The following FOXN3 variants were observed in gnomAD, a reference collection of about 807,000 sequenced individuals.
FOXN3 encodes the protein forkhead box protein N3.
FOXN3 carries 7 observed loss-of-function variants against 38.4 expected under a neutral mutation model. The ratio of observed to expected loss-of-function variants is 0.18; its 90% CI spans 0.10 to 0.34. The LOEUF is 0.34. Among genes scored for constraint, FOXN3 ranks in the 10% least tolerant of loss-of-function variants. The pLI is 1.00. For synonymous variants in FOXN3, 230 were observed against 242.2 expected, an observed-to-expected ratio of 0.95 and a Z score of 0.47; for missense variants, 456 against 613.4, an observed-to-expected ratio of 0.74 and a Z score of 2.71.
intron 1 of FOXN3, among the ~76,000 whole-genome samples, chr14:89,453,664 T>C (rs1892665467): frequency 1.3e-5 from 2 of 151,810 alleles, no homozygotes; most frequent in African/African-American, 2.4e-5. Flanking sequence ...ACAAAAATAC[T>C]TGACCACAAA....
chr14:89,513,165 A>G lies in FOXN3; in HGVS notation c.-14-100675T>C, dbSNP rs564844629. 4.6e-5 allele frequency among the ~76,000 whole-genome samples: 7 copies of G among 150,828 alleles called. No individual in the cohort carries two copies. In the East Asian group the frequency reaches 9.7e-4, roughly 21 times the overall value. On this transcript the variant is annotated intron_variant, in intron 1 of 6. Transcript: ENST00000345097. Reference sequence around the variant, plus strand: ...TCCATCTCAGGAAAAAAAAAAAAAAAAAAAGAAAAAGAAAGAAAGAAACTA... The same window carrying G: ...TCCATCTCAGGAAAAAAAAAAAAAAGAAAAGAAAAAGAAAGAAAGAAACTA...
Position 89,176,179 on chromosome 14 carries a change from C to T in FOXN3, c.851+4522G>A, listed in dbSNP as rs533038242. On this transcript the variant is annotated intron_variant, in intron 5 of 5. Coordinates refer to ENST00000557258, the MANE Select transcript of FOXN3 (RefSeq NM_005197.4). Reference sequence around the variant, plus strand: ...AGGTTATTGAGTAAAAAGTCAACACCGTAAAGTCAATTACACTATTGACAG... The same window carrying T: ...AGGTTATTGAGTAAAAAGTCAACACTGTAAAGTCAATTACACTATTGACAG... Among the ~76,000 whole-genome samples the T allele has an allele frequency of 8.5e-5, 13 of 152,274 alleles. No individual in the cohort carries two copies. In the South Asian group the frequency reaches 2.3e-3, roughly 27 times the overall value.
intron 1 of FOXN3, among the ~76,000 whole-genome samples, chr14:89,491,903 CG>C (rs1893584146): frequency 6.6e-6 from 1 of 152,138 alleles, no homozygotes; most frequent in Non-Finnish European, 1.5e-5. Flanking sequence ...TTCAGCCTAG[CG>C]CTTTACATTT....
chr14:89,212,167 G>C (rs2139832469), intron 4 of FOXN3, among the ~76,000 whole-genome samples: 1 of 152,332 alleles, frequency 6.6e-6, no homozygotes, highest in South Asian at 2.1e-4. Flanking sequence ...CATTTCTGTT[G>C]TTTAAGCCAC....
intron 2 of FOXN3, among the ~76,000 whole-genome samples, chr14:89,389,161 T>C (rs1023778533): frequency 2.6e-5 from 4 of 152,184 alleles, no homozygotes; most frequent in African/African-American, 4.8e-5. Flanking sequence ...TTTGTCTTTA[T>C]GGACAATTCC....
intron 1 of FOXN3, among the ~76,000 whole-genome samples, chr14:89,447,372 G>A (rs927008843): frequency 4.6e-5 from 7 of 152,088 alleles, no homozygotes; most frequent in African/African-American, 1.7e-4. Flanking sequence ...CCACAGAGAT[G>A]AGTATGTGAG....
chr14:89,312,837 G>T (rs1016970143), intron 3 of FOXN3, among the ~76,000 whole-genome samples: 2 of 152,332 alleles, frequency 1.3e-5, no homozygotes, highest in South Asian at 2.1e-4. Flanking sequence ...AGCACTCGCA[G>T]TGATACCTCA....
At position 89,428,727 on chromosome 14, in the gene FOXN3, G is replaced by A. The variant is rs117593211; in HGVS notation, c.-14-16237C>T. Among the ~76,000 whole-genome samples the A allele has an allele frequency of 4.0e-3, 609 of 152,324 alleles. 6 individuals are homozygous for A. Among genetic ancestry groups the A allele is most frequent in the Non-Finnish European group, 6.8e-3 (464 of 68,032 alleles). On this transcript the variant is annotated intron_variant, in intron 1 of 6. Coordinates refer to the FOXN3 transcript ENST00000345097. ...CGGCAGCCATGAGTGCCTGTTGCTC[G>A]CAGCAGACGTCAGAGAGACCTCAGC...
Position 89,289,983 on chromosome 14 carries a change from A to C in FOXN3, c.681-8969T>G, listed in dbSNP as rs78611313. On this transcript the variant is annotated intron_variant, in intron 3 of 5. Transcript: ENST00000557258. ...TTTTCCCTTTAAATCCATAATGTTC[A>C]CAAGTCACCACGTGGAACTAAAATC... Among the ~76,000 whole-genome samples the C allele has an allele frequency of 4.6e-3, 704 of 152,312 alleles. 3 individuals are homozygous for C. The highest frequency in any genetic ancestry group is 6.9e-3 in the Non-Finnish European group (467 of 68,026).
intron 1 of FOXN3, among the ~76,000 whole-genome samples, chr14:89,577,789 A>G (rs1188323875): frequency 6.6e-6 from 1 of 152,192 alleles, no homozygotes; most frequent in Non-Finnish European, 1.5e-5. Flanking sequence ...TTTCCTGAGG[A>G]GGAAATTCAA....
chr14:89,314,100 C>T (rs1343940988), intron 3 of FOXN3, among the ~76,000 whole-genome samples: 1 of 152,062 alleles, frequency 6.6e-6, no homozygotes, highest in Non-Finnish European at 1.5e-5. Context: ...ATTAAAAGTA[C>T]ATTTTACATT....
At chr14:89,340,058 G>C (rs1403324155) in intron 3 of FOXN3, among the ~76,000 whole-genome samples, 2 of 151,960 alleles carry the variant, frequency 1.3e-5, no homozygotes, top group East Asian at 3.9e-4. Flanking sequence ...TCATTCAGAA[G>C]ACCCACAGCT....
rs963028118 is a variant in FOXN3, at chr14:89,163,515, C to T, written c.852-546G>A. On this transcript the variant is annotated intron_variant, in intron 5 of 5. Transcript: ENST00000557258. The surrounding 1 kb of genome is among the most constrained non-coding windows in gnomAD (Gnocchi z 4.3). ...ATGCAATCTACAAATACTCACTGAGCGCCTAACAGAAATGCATGACCTTAG... is the reference window on the plus strand; with the variant it reads ...ATGCAATCTACAAATACTCACTGAGTGCCTAACAGAAATGCATGACCTTAG... 1.3e-5 allele frequency among the ~76,000 whole-genome samples: 2 copies of T among 152,118 alleles called. No individual in the cohort carries two copies. Among genetic ancestry groups the T allele is most frequent in the African/African-American group, 4.8e-5 (2 of 41,402 alleles).
At chr14:89,558,071 T>C (rs931219778) in intron 1 of FOXN3, among the ~76,000 whole-genome samples, 8 of 151,994 alleles carry the variant, frequency 5.3e-5, no homozygotes, top group African/African-American at 1.9e-4. Flanking sequence ...AAGAAGCAAA[T>C]ACAGACAAAA....
chr14:89,610,207 G>T (rs1179952377), intron 1 of FOXN3, among the ~76,000 whole-genome samples: 1 of 152,018 alleles, frequency 6.6e-6, no homozygotes, highest in African/African-American at 2.4e-5. Flanking sequence ...TGGCTTTCAG[G>T]CTTTACCATC....
intron 3 of FOXN3, among the ~76,000 whole-genome samples, chr14:89,347,419 G>C (rs537537764): frequency 4.5e-4 from 69 of 152,276 alleles, no homozygotes; most frequent in African/African-American, 1.6e-3. Context: ...GAAGCTAGGA[G>C]AGAGGGGTGG....
chr14:89,349,434 T>C (rs1452459555), intron 3 of FOXN3: 2 of 152,356 alleles, frequency 1.3e-5, no homozygotes, highest in Non-Finnish European at 2.9e-5. Context: ...TCAACTGTAG[T>C]TGCTATGTAA....
intron 1 of FOXN3, among the ~76,000 whole-genome samples, chr14:89,457,648 C>T (rs1892753705): frequency 1.3e-5 from 2 of 152,164 alleles, no homozygotes; most frequent in African/African-American, 4.8e-5. Flanking sequence ...CAGAGGAATC[C>T]TCTACATGAA....
At position 89,491,903 on chromosome 14, in the gene FOXN3, C is replaced by T. The variant is rs532238379; in HGVS notation, c.-14-79413G>A. 1.2e-3 allele frequency among the ~76,000 whole-genome samples: 182 copies of T among 152,256 alleles called. 1 individual carries two copies. The highest frequency in any genetic ancestry group is 2.1e-3 in the Non-Finnish European group (144 of 68,008). On this transcript the variant is annotated intron_variant, in intron 1 of 6. Coordinates refer to the FOXN3 transcript ENST00000345097. ...CATTCCAATGACGAGTTCAGCCTAGCGCTTTACATTTAGGTTCATGTGTTT... is the reference window on the plus strand; with the variant it reads ...CATTCCAATGACGAGTTCAGCCTAGTGCTTTACATTTAGGTTCATGTGTTT...
Sources: gnomAD v4.1 joint callset for allele counts (sites outside exome capture counted in the v4.1 genomes callset) on GRCh38, gnomAD v4.1.1 for gene constraint, Gnocchi (gnomAD v3.1) non-coding constraint, MANE v1.5 for transcripts, NCBI Gene and HGNC (gene_info 2026-07-23, HGNC 2026-07-21) for gene names.